The following PTPRD variants were observed in gnomAD, a reference collection of about 807,000 sequenced individuals.
PTPRD encodes receptor-type tyrosine-protein phosphatase delta.
PTPRD carries 34 observed loss-of-function variants against 214.5 expected under a neutral mutation model. The ratio of observed to expected loss-of-function variants is 0.16; its 90% CI spans 0.12 to 0.21. PTPRD has a LOEUF of 0.21. Ranked by LOEUF, PTPRD falls within the 10% of genes least tolerant of loss-of-function variation. The pLI is 1.00. For missense variants in PTPRD, 2,545 were observed against 2,398.7 expected (o/e 1.06, Z -1.27); for synonymous variants, 1,128 against 845.7 (o/e 1.33, Z -5.79).
intron 7 of PTPRD, among the ~76,000 whole-genome samples, chr9:9,733,693 C>G (rs1247328267): frequency 6.6e-6 from 1 of 152,094 alleles, no homozygotes; most frequent in Non-Finnish European, 1.5e-5. Context: ...GAATCTCATT[C>G]TTGGTTCAGT....
chr9:9,560,360 G>C (rs559604490), intron 8 of PTPRD, among the ~76,000 whole-genome samples: 1 of 152,198 alleles, frequency 6.6e-6, no homozygotes, highest in Non-Finnish European at 1.5e-5. Flanking sequence ...TAGAAATGTT[G>C]CATCTTGCAG....
chr9:9,282,288 G>A (rs965191580), intron 9 of PTPRD, among the ~76,000 whole-genome samples: 3 of 151,146 alleles, frequency 2.0e-5, no homozygotes, highest in South Asian at 4.1e-4. Context: ...TTCTGTTGGG[G>A]GATGTTGATA....
chr9:10,129,000 G>T (rs1324036124), intron 3 of PTPRD, among the ~76,000 whole-genome samples: 4 of 152,140 alleles, frequency 2.6e-5, no homozygotes, highest in Middle Eastern at 3.4e-3. Context: ...TTGGCTTTGG[G>T]AATACACAAA....
In PTPRD at chr9:9,181,047, CA is replaced by C. The variant is rs926319238; in HGVS notation, c.-143+2256del. ...TAAAAATACCAAAGAATTTGAAAGT[CA>C]GAAAGGTTTAGGTTGGAGTTCTTGC... On this transcript the variant is annotated intron_variant, in intron 10 of 45. Coordinates refer to ENST00000381196, the MANE Select transcript of PTPRD (RefSeq NM_002839.4). Among the ~76,000 whole-genome samples the C allele has an allele frequency of 3.3e-5, 5 of 152,136 alleles. No homozygotes were observed. In the East Asian group the frequency reaches 9.7e-4, roughly 30 times the overall value.
At chr9:9,270,581 G>C (rs1043204274) in intron 9 of PTPRD, among the ~76,000 whole-genome samples, 2 of 151,322 alleles carry the variant, frequency 1.3e-5, no homozygotes, top group African/African-American at 4.8e-5. Flanking sequence ...AGTTAGGAAA[G>C]ATCAGGTCAG....
intron 2 of PTPRD, among the ~76,000 whole-genome samples, chr9:10,378,445 G>A (rs1453235804): frequency 1.3e-5 from 2 of 151,884 alleles, no homozygotes; most frequent in Admixed American, 6.6e-5. Context: ...TATAGTTTGA[G>A]GTCTTAAGTT....
chr9:9,735,863 G>A (rs941398594), intron 6 of PTPRD, among the ~76,000 whole-genome samples: 63 of 152,122 alleles, frequency 4.1e-4, no homozygotes, highest in African/African-American at 1.4e-3. Flanking sequence ...TTTCTTTGCG[G>A]TGCGTTATAA....
At chr9:8,382,391 T>C (rs2085387041) in intron 37 of PTPRD, among the ~76,000 whole-genome samples, 1 of 152,130 alleles carries the variant, frequency 6.6e-6, no homozygotes, top group African/African-American at 2.4e-5. Flanking sequence ...GAGAGAGGCT[T>C]TGTACAAAGT....
intron 2 of PTPRD, among the ~76,000 whole-genome samples, chr9:10,459,724 C>T (rs1588652183): frequency 6.6e-6 from 1 of 151,354 alleles, no homozygotes; most frequent in Admixed American, 6.6e-5. Context: ...TGTCTGTTCA[C>T]ACCCTTTGCC....
At chr9:8,917,054 CTTT>C (rs61077928) in intron 11 of PTPRD, among the ~76,000 whole-genome samples, 7 of 125,802 alleles carry the variant, frequency 5.6e-5, no homozygotes, top group Non-Finnish European at 6.9e-5. Context: ...CATTTTCTTT[CTTT>C]TTTTTTTTTT....
chr9:10,056,765 A>G (rs1173912994), intron 3 of PTPRD, among the ~76,000 whole-genome samples: 1 of 152,152 alleles, frequency 6.6e-6, no homozygotes, highest in African/African-American at 2.4e-5. Flanking sequence ...CATTCTCCCT[A>G]TGTATGGGTT....
intron 2 of PTPRD, among the ~76,000 whole-genome samples, chr9:10,462,960 C>T (rs776053357): frequency 1.2e-4 from 18 of 149,610 alleles, no homozygotes; most frequent in Non-Finnish European, 2.5e-4. Flanking sequence ...TATATATACA[C>T]ACACATATAT....
At chr9:9,477,811 C>T (rs957556607) in intron 8 of PTPRD, among the ~76,000 whole-genome samples, 3 of 151,888 alleles carry the variant, frequency 2.0e-5, no homozygotes, top group South Asian at 4.2e-4. Context: ...TCTTGACAAA[C>T]GTGTTTCAAA....
chr9:9,829,954 A>G (rs1383132629), intron 5 of PTPRD, among the ~76,000 whole-genome samples: 3 of 151,944 alleles, frequency 2.0e-5, no homozygotes, highest in Non-Finnish European at 4.4e-5. Context: ...GAGTGCTTAC[A>G]ATAGAGTAGA....
chr9:8,535,420 T>C (rs990761495), intron 14 of PTPRD, among the ~76,000 whole-genome samples: 4 of 151,986 alleles, frequency 2.6e-5, no homozygotes, highest in East Asian at 1.9e-4. Flanking sequence ...AACAAGATTT[T>C]AGGCTCTTTG....
intron 11 of PTPRD, among the ~76,000 whole-genome samples, chr9:8,949,842 T>A (rs1258653991): frequency 2.6e-5 from 4 of 152,196 alleles, no homozygotes; most frequent in Non-Finnish European, 4.4e-5. Flanking sequence ...TTTTGATTGT[T>A]GCCTACAGTT....
At chr9:10,145,759 G>T (rs991246591) in intron 3 of PTPRD, among the ~76,000 whole-genome samples, 8 of 151,932 alleles carry the variant, frequency 5.3e-5, no homozygotes, top group Non-Finnish European at 8.8e-5. Context: ...TACACACACA[G>T]ACATGTATAA....
chr9:10,029,334 G>A (rs547130256), intron 4 of PTPRD, among the ~76,000 whole-genome samples: 3 of 152,294 alleles, frequency 2.0e-5, no homozygotes, highest in African/African-American at 4.8e-5. Flanking sequence ...TGTGAGAAGA[G>A]AGCCACCATC....
At chr9:9,147,336 G>A in intron 10 of PTPRD, among the ~76,000 whole-genome samples, 1 of 151,458 alleles carries the variant, frequency 6.6e-6, no homozygotes, top group East Asian at 1.9e-4. Context: ...TGGGGGAGGG[G>A]ATTAATACTG....
Sources: gnomAD v4.1 joint callset for allele counts (sites outside exome capture counted in the v4.1 genomes callset) on GRCh38, gnomAD v4.1.1 for gene constraint, MANE v1.5 for transcripts, NCBI Gene and HGNC (gene_info 2026-07-23, HGNC 2026-07-21) for gene names.